The following EPHA2 variants were observed in gnomAD, a reference collection of about 807,000 sequenced individuals.
EPHA2 encodes the protein EPH receptor A2.
Under a neutral mutation model 104.9 loss-of-function variants are expected in EPHA2, and 54 were observed. That is an observed-to-expected ratio of 0.51 (90% CI 0.41 to 0.65). The LOEUF is 0.65. EPHA2 is among the 30% of genes least tolerant of loss of function. The pLI, the probability that EPHA2 is intolerant of heterozygous loss-of-function variation, is 0.00. For synonymous variants in EPHA2, 560 were observed against 559.1 expected, an observed-to-expected ratio of 1.00 and a Z score of -0.02; for missense variants, 1,117 against 1,369.5, an observed-to-expected ratio of 0.82 and a Z score of 2.91.
intron 3 of EPHA2, among the ~76,000 whole-genome samples, chr1:16,142,837 G>C (rs891560366): frequency 2.7e-5 from 4 of 150,716 alleles, no homozygotes; most frequent in Non-Finnish European, 5.9e-5. Flanking sequence ...TGGATGGCTG[G>C]GTGGAGGGGT....
rs375255049 is a variant in EPHA2, at chr1:16,133,843, C to T, written c.1738+17G>A. ...GGTGCGGGCAGGGCTGGGCCTGGAG[C>T]GGGGGCTGCGTCTCACCTGACTTGG... is the stretch of plus-strand genomic sequence containing the variant. On this transcript the variant is annotated intron_variant, in intron 9 of 16. Transcript: ENST00000358432. The T allele has an allele frequency of 2.9e-4, 445 of 1,540,866 alleles. 2 individuals are homozygous for T. Among genetic ancestry groups the T allele is most frequent in the Non-Finnish European group, 1.4e-4 (162 of 1,140,718 alleles).
At position 16,124,656 on chromosome 1, in the gene EPHA2, C is replaced by G. The variant is rs1460398212; in HGVS notation, c.*559G>C. The G allele has an allele frequency of 3.2e-5, 5 of 156,296 alleles. No individual in the cohort carries two copies. Among genetic ancestry groups the G allele is most frequent in the Admixed American group, 1.2e-4 (2 of 16,254 alleles). The allele number at this position is 156,296 out of a possible 1,614,324, so 9.7% of individuals were successfully genotyped here. ...CAAAATATATATTTAAAAACCTCAA[C>G]ACAACCAAGCATCTTGCAAAGGCCC... is the stretch of plus-strand genomic sequence containing the variant. On this transcript the variant is annotated 3_prime_UTR_variant, in exon 17 of 17. Coordinates refer to ENST00000358432, the MANE Select transcript of EPHA2 (RefSeq NM_004431.5).
chr1:16,154,289 C>T (rs974403251), intron 1 of EPHA2, among the ~76,000 whole-genome samples: 3 of 152,166 alleles, frequency 2.0e-5, no homozygotes, highest in Non-Finnish European at 4.4e-5. Context: ...TTGCCATGAG[C>T]TCCTGCAACC....
rs1215843296 is a variant in EPHA2, at chr1:16,134,064, C to G, written c.1683-149G>C. The G allele has an allele frequency of 1.3e-6, 1 of 794,948 alleles. No homozygotes were observed. Among genetic ancestry groups the G allele is most frequent in the African/African-American group, 1.7e-5 (1 of 57,156 alleles). 49.2% of individuals were successfully genotyped at this position (794,948 alleles called of 1,614,324 possible). Reference sequence around the variant, plus strand: ...CCGCTTTTGCTGCCCAAGCTCCACTCTCAGGGCCGAGGGTGCGGAGAAGGC... The same window carrying G: ...CCGCTTTTGCTGCCCAAGCTCCACTGTCAGGGCCGAGGGTGCGGAGAAGGC... On this transcript the variant is annotated intron_variant, in intron 8 of 16. Transcript: ENST00000358432. The surrounding 1 kb of genome is among the most constrained non-coding windows in gnomAD (Gnocchi z 4.5).
Position 16,125,087 on chromosome 1 carries a change from G to T in EPHA2, c.*128C>A. The T allele has an allele frequency of 1.2e-6, 1 of 862,766 alleles. No individual in the cohort carries two copies. Among genetic ancestry groups the T allele is most frequent in the Non-Finnish European group, 1.9e-6 (1 of 523,248 alleles). The allele number at this position is 862,766 out of a possible 1,614,324, so 53.4% of individuals were successfully genotyped here. ...AGGGTGTCATCCGAGACCCCTCAGC[G>T]GAAGTTGCAGGGGGAGGAAAGAACT... On this transcript the variant is annotated 3_prime_UTR_variant, in exon 17 of 17. Transcript: ENST00000358432. This position sits in a 1 kb window ranked among gnomAD's most constrained non-coding sequence, Gnocchi z 4.9.
Position 16,142,463 on chromosome 1 carries a change from A to G in EPHA2, c.824-4033T>C, listed in dbSNP as rs191257733. ...TCCCATGGCCCAGCGGTGCTCAGTT[A>G]ATGTTTGCTGAATGGATGGACAGAC... is the stretch of plus-strand genomic sequence containing the variant. On this transcript the variant is annotated intron_variant, in intron 3 of 16. Transcript: ENST00000358432. Among the ~76,000 whole-genome samples the G allele has an allele frequency of 2.2e-4, 33 of 152,344 alleles. No individual in the cohort carries two copies. The East Asian group carries it at 6.2e-3, about 28-fold the overall frequency.
Position 16,143,732 on chromosome 1 carries a change from C to T in EPHA2, c.823+4646G>A, listed in dbSNP as rs377480792. ...TGGCAATTCACCTAGGGCCAGTCAC[C>T]GCCCAAGCCAGGCCCAGCAGGTGAC... On this transcript the variant is annotated intron_variant, in intron 3 of 16. Transcript: ENST00000358432. Among the ~76,000 whole-genome samples the T allele has an allele frequency of 7.2e-5, 11 of 152,286 alleles. No individual in the cohort carries two copies. The East Asian group carries it at 7.7e-4, about 11-fold the overall frequency.
intron 3 of EPHA2, among the ~76,000 whole-genome samples, chr1:16,140,121 C>T (rs1397930136): frequency 2.6e-5 from 4 of 152,202 alleles, no homozygotes; most frequent in Admixed American, 6.5e-5. Context: ...TCAAAGGACA[C>T]CCAGCTCTGT....
intron 3 of EPHA2, among the ~76,000 whole-genome samples, chr1:16,138,719 C>A (rs577889388): frequency 6.6e-6 from 1 of 152,350 alleles, no homozygotes; most frequent in African/African-American, 2.4e-5. Flanking sequence ...GCATTCAAGG[C>A]CATACCTCGC....
chr1:16,130,850 G>C lies in EPHA2; in HGVS notation c.2476-431C>G, dbSNP rs1375009933. Among the ~76,000 whole-genome samples the C allele has an allele frequency of 6.6e-6, 1 of 151,958 alleles. No individual in the cohort carries two copies. Among genetic ancestry groups the C allele is most frequent in the Non-Finnish European group, 1.5e-5 (1 of 67,986 alleles). On this transcript the variant is annotated intron_variant, in intron 14 of 16. Coordinates refer to ENST00000358432, the MANE Select transcript of EPHA2 (RefSeq NM_004431.5). This position sits in a 1 kb window ranked among gnomAD's most constrained non-coding sequence, Gnocchi z 4.5. ...TCGTCATGTTGTCCAGGCTGGTCTC[G>C]AACTCCTGAGCTCAAGCGATACTCC...
At chr1:16,151,961 C>T (rs1195552520) in intron 1 of EPHA2, among the ~76,000 whole-genome samples, 2 of 152,166 alleles carry the variant, frequency 1.3e-5, no homozygotes, top group Admixed American at 6.5e-5. Flanking sequence ...GCTCAGAGGC[C>T]ATAGACAAAA....
rs139176878 is a variant in EPHA2, at chr1:16,138,310, C to A, written c.944G>T (p.Arg315Leu). 6.2e-7 allele frequency: 1 copy of A among 1,613,518 alleles called. No homozygotes were observed. Among genetic ancestry groups the A allele is most frequent in the Non-Finnish European group, 8.5e-7 (1 of 1,179,864 alleles). Reference protein sequence around the residue: ...TSCECEEGFFRAPQDPASMPC... With the variant: ...TSCECEEGFFLAPQDPASMPC... ...CATCGACGCTGGGTCCTGAGGTGCC[C>A]GGAAGAAGCCTTCCTCACACTCGCA... is the stretch of plus-strand genomic sequence containing the variant. The change falls in exon 4 of 17, where the codon CGG becomes CTG. Residue 315 changes from arginine to leucine, a missense_variant. Around this residue, in one of 3 missense-constraint regions of EPHA2, gnomAD observed 664 missense variants for 784.8 expected, o/e 0.85. Coordinates refer to ENST00000358432, the MANE Select transcript of EPHA2 (RefSeq NM_004431.5).
chr1:16,136,099 G>A (rs891590998), intron 5 of EPHA2, among the ~76,000 whole-genome samples: 1 of 151,964 alleles, frequency 6.6e-6, no homozygotes, highest in Non-Finnish European at 1.5e-5. Flanking sequence ...TCAAATGCCT[G>A]AGCTCAAGCA....
In EPHA2 at chr1:16,138,957, C is replaced by CT. The variant is rs532172613; in HGVS notation, c.824-528dup. 2.2e-4 allele frequency among the ~76,000 whole-genome samples: 33 copies of CT among 152,360 alleles called. No individual in the cohort carries two copies. In the East Asian group the frequency reaches 6.2e-3, roughly 29 times the overall value. The stretch of plus-strand genomic sequence containing the variant: ...GCCTCATCAGTTCAGGATGCCATCC[C>CT]TGCAGGTGTTACCTCCAGCCCAGGA... On this transcript the variant is annotated intron_variant, in intron 3 of 16. Transcript: ENST00000358432.
Position 16,135,838 on chromosome 1 carries a change from C to G in EPHA2, c.1313-68G>C. The G allele has an allele frequency of 2.6e-6, 2 of 769,042 alleles. No homozygotes were observed. Among genetic ancestry groups the G allele is most frequent in the Non-Finnish European group, 4.7e-6 (2 of 425,368 alleles). 47.6% of individuals were successfully genotyped at this position (769,042 alleles called of 1,614,324 possible). Reference sequence around the variant, plus strand: ...TACGAGCAGGCAGGGTTTGGGGGGACAAGTGGACGTGGAGCCACATCCTCC... The same window carrying G: ...TACGAGCAGGCAGGGTTTGGGGGGAGAAGTGGACGTGGAGCCACATCCTCC... On this transcript the variant is annotated intron_variant, in intron 5 of 16. Transcript: ENST00000358432. This position sits in a 1 kb window ranked among gnomAD's most constrained non-coding sequence, Gnocchi z 4.3.
At chr1:16,126,858 C>A (rs975250682) in intron 16 of EPHA2, among the ~76,000 whole-genome samples, 6 of 152,166 alleles carry the variant, frequency 3.9e-5, no homozygotes, top group Admixed American at 3.9e-4. Flanking sequence ...GTCATCTGGG[C>A]CCATCACCCC....
rs1027344634 is a variant in EPHA2 at position 16,134,703 on chromosome 1, C to T, written c.1583-136G>A. ...GGGAAGGCTCCAGAGGGTACTTAGT[C>T]CCATTTCATAGACGGTCAAGCGGAG... On this transcript the variant is annotated intron_variant, in intron 7 of 16. Coordinates refer to ENST00000358432, the MANE Select transcript of EPHA2 (RefSeq NM_004431.5). This position sits in a 1 kb window ranked among gnomAD's most constrained non-coding sequence, Gnocchi z 4.5. 53 of 968,764 alleles carry T rather than the reference C, an allele frequency of 5.5e-5. No individual in the cohort carries two copies. The East Asian group carries it at 1.3e-3, about 24-fold the overall frequency. The allele number at this position is 968,764 out of a possible 1,614,324, so 60.0% of individuals were successfully genotyped here.
chr1:16,153,817 G>A (rs1406753868), intron 1 of EPHA2, among the ~76,000 whole-genome samples: 1 of 152,080 alleles, frequency 6.6e-6, no homozygotes, highest in Non-Finnish European at 1.5e-5. Flanking sequence ...CCTCCTGCCT[G>A]CCCCCTAAGC....
rs908578996 is a variant in EPHA2, at chr1:16,126,451, C to T, written c.2826-1131G>A. 2.6e-5 allele frequency among the ~76,000 whole-genome samples: 4 copies of T among 152,208 alleles called. No individual in the cohort carries two copies. In the South Asian group the frequency reaches 6.2e-4, roughly 24 times the overall value. On this transcript the variant is annotated intron_variant, in intron 16 of 16. Coordinates refer to ENST00000358432, the MANE Select transcript of EPHA2 (RefSeq NM_004431.5). ...CAGGCTCCGGGAGCCCCGGCACAGGCGCAGAGCAGGGAAGGGCAGACCCAG... is the reference window on the plus strand; with the variant it reads ...CAGGCTCCGGGAGCCCCGGCACAGGTGCAGAGCAGGGAAGGGCAGACCCAG...
Sources: gnomAD v4.1 joint callset for allele counts (sites outside exome capture counted in the v4.1 genomes callset) on GRCh38, gnomAD v4.1.1 for gene constraint, gnomAD v4.1.1 regional missense constraint, Gnocchi (gnomAD v3.1) non-coding constraint, MANE v1.5 for transcripts, NCBI Gene and HGNC (gene_info 2026-07-23, HGNC 2026-07-21) for gene names.